CIBAR1: variants seen among roughly 807,000 people sequenced by gnomAD.
CIBAR1 encodes CBY1 interacting BAR domain containing 1, also known as CBY1-interacting BAR domain-containing protein 1.
Under a neutral mutation model 44.0 loss-of-function variants are expected in CIBAR1, and 25 were observed. The observed-to-expected ratio is 0.57, with a 90% CI of 0.41 to 0.79. The LOEUF (loss-of-function observed/expected upper bound fraction) is 0.79, where lower values mean the gene tolerates loss of function less well. Among genes scored for constraint, CIBAR1 ranks in the 30% least tolerant of loss-of-function variants. CIBAR1 has a pLI of 0.00. For synonymous variants in CIBAR1, 115 were observed against 119.0 expected, an observed-to-expected ratio of 0.97 and a Z score of 0.22; for missense variants, 278 against 344.8, an observed-to-expected ratio of 0.81 and a Z score of 1.53.
intron 2 of CIBAR1, chr8:93,702,504 T>C (rs1332763343): frequency 8.8e-6 from 4 of 455,362 alleles, no homozygotes; most frequent in Non-Finnish European, 1.8e-5. Context: ...TTTCCCTTGC[T>C]TACCAAATGG....
At chr8:93,723,519 C>T (rs1811354137) in intron 7 of CIBAR1, among the ~76,000 whole-genome samples, 1 of 151,996 alleles carries the variant, frequency 6.6e-6, no homozygotes. Context: ...TTCCCCCCCT[C>T]ATAGATGTTA....
In CIBAR1 at chr8:93,725,246, G is replaced by A. The variant is rs528036240; in HGVS notation, c.658-1148G>A. Among the ~76,000 whole-genome samples, 238 of 152,304 alleles carry A rather than the reference G, an allele frequency of 1.6e-3. 5 individuals are homozygous for A. The highest frequency in any genetic ancestry group is 0.013 in the South Asian group (65 of 4,828). On this transcript the variant is annotated intron_variant, in intron 7 of 8. Coordinates refer to ENST00000518322, the MANE Select transcript of CIBAR1 (RefSeq NM_145269.5). Reference sequence around the variant, plus strand: ...GATCCTCCTGCCTTGGCCTCCCAAAGTGCTAGGATTATAGGCATGAGCCAC... The same window carrying A: ...GATCCTCCTGCCTTGGCCTCCCAAAATGCTAGGATTATAGGCATGAGCCAC...
intron 6 of CIBAR1, 67 bp downstream of exon 6, chr8:93,709,942 T>A: frequency 8.3e-7 from 1 of 1,203,444 alleles, no homozygotes; most frequent in Non-Finnish European, 1.2e-6. Context: ...ATGAAAAATT[T>A]AAATTACTCT....
At chr8:93,717,677 T>C (rs1811085743) in intron 6 of CIBAR1, among the ~76,000 whole-genome samples, 1 of 152,182 alleles carries the variant, frequency 6.6e-6, no homozygotes, top group South Asian at 2.1e-4. Context: ...CTGGGTTATC[T>C]TAGGAGAGCA....
intron 5 of CIBAR1, among the ~76,000 whole-genome samples, chr8:93,708,983 A>G (rs1479623839): frequency 6.6e-6 from 1 of 152,220 alleles, no homozygotes; most frequent in Non-Finnish European, 1.5e-5. Context: ...AAGCATAAAG[A>G]GTAAGAGATA....
At chr8:93,714,580 G>T (rs1810966660) in intron 6 of CIBAR1, among the ~76,000 whole-genome samples, 1 of 151,978 alleles carries the variant, frequency 6.6e-6, no homozygotes. Flanking sequence ...TTATAATAAA[G>T]AGGGATGTAG....
chr8:93,728,279 A>G lies in CIBAR1; in HGVS notation c.852A>G (p.Glu284=), dbSNP rs759868452. The stretch of plus-strand genomic sequence containing the variant: ...ATGACGAGTTAGATGTTACAGAAGA[A>G]GAAAATTTTCTTAAGTAAACTACAC... ...DEDDELDVTE[E]ENFLK The change falls in exon 9 of 9, where the codon GAA becomes GAG. Residue 284 remains glutamate (E), a synonymous_variant. Transcript: ENST00000518322. 16 of 1,587,374 alleles carry G rather than the reference A, an allele frequency of 1.0e-5. No individual in the cohort carries two copies. The highest frequency in any genetic ancestry group is 1.4e-5 in the Non-Finnish European group (16 of 1,171,490).
chr8:93,723,713 AT>A (rs1811362160), intron 7 of CIBAR1, among the ~76,000 whole-genome samples: 1 of 152,158 alleles, frequency 6.6e-6, no homozygotes, highest in East Asian at 1.9e-4. Context: ...TATGTAATCA[AT>A]TACAAAACAC....
rs551244518 is a variant in CIBAR1, at chr8:93,728,825, C to T, written c.*528C>T. ...ACCAAAGAGTAAAGATAATGTGACA[C>T]TAAGTTATCAATGTTTTATGAATAC... is the stretch of plus-strand genomic sequence containing the variant. On this transcript the variant is annotated 3_prime_UTR_variant, in exon 9 of 9. Coordinates refer to ENST00000518322, the MANE Select transcript of CIBAR1 (RefSeq NM_145269.5). The T allele has an allele frequency of 6.6e-6, 1 of 152,078 alleles. No individual in the cohort carries two copies. Among genetic ancestry groups the T allele is most frequent in the East Asian group, 1.9e-4 (1 of 5,176 alleles). 9.4% of individuals were successfully genotyped at this position (152,078 alleles called of 1,614,324 possible). A position where few individuals can be genotyped will look rare whatever the true frequency, so the allele number is the denominator to read the frequency against.
At position 93,714,501 on chromosome 8, in the gene CIBAR1, C is replaced by T. The variant is rs114348664; in HGVS notation, c.544-4174C>T. Among the ~76,000 whole-genome samples the T allele has an allele frequency of 4.5e-3, 688 of 152,288 alleles. 9 individuals carry two copies. Among genetic ancestry groups the T allele is most frequent in the African/African-American group, 0.015 (638 of 41,548 alleles). ...AGAGTCTGTTAGGGTTCTGAATCTCCATTCTGCACATCATTCCTCATCACT... is the reference window on the plus strand; with the variant it reads ...AGAGTCTGTTAGGGTTCTGAATCTCTATTCTGCACATCATTCCTCATCACT... On this transcript the variant is annotated intron_variant, in intron 6 of 8. Coordinates refer to ENST00000518322, the MANE Select transcript of CIBAR1 (RefSeq NM_145269.5).
chr8:93,710,049 C>A (rs1298690814), intron 6 of CIBAR1, among the ~76,000 whole-genome samples, 174 bp downstream of exon 6: 1 of 152,012 alleles, frequency 6.6e-6, no homozygotes, highest in Non-Finnish European at 1.5e-5. Flanking sequence ...CTTTGGGAGG[C>A]CAAGGCAGGT....
In CIBAR1 at chr8:93,728,123, T is replaced by C. The variant is rs1033929559; in HGVS notation, c.778-82T>C. ...TTTGAAATATTTGTTGTGTGCCCTT[T>C]AATAGCATAAAAATATACCAAGAAT... On this transcript the variant is annotated intron_variant, in intron 8 of 8. Coordinates refer to ENST00000518322, the MANE Select transcript of CIBAR1 (RefSeq NM_145269.5). 5.3e-6 allele frequency: 4 copies of C among 758,856 alleles called. No individual in the cohort carries two copies. The South Asian group carries it at 9.2e-5, about 18-fold the overall frequency. 47.0% of individuals were successfully genotyped at this position (758,856 alleles called of 1,614,324 possible).
At chr8:93,702,945 ATC>A (rs1810422341) in intron 2 of CIBAR1, among the ~76,000 whole-genome samples, 1 of 152,178 alleles carries the variant, frequency 6.6e-6, no homozygotes, top group South Asian at 2.1e-4. Context: ...CTTAAAAAAA[ATC>A]TCTCTTCAGT....
At chr8:93,726,206 TAG>T (rs1461632895) in intron 7 of CIBAR1, 186 bp from the exon 8 acceptor site, 4 of 512,528 alleles carry the variant, frequency 7.8e-6, no homozygotes, top group Non-Finnish European at 1.4e-5. Context: ...ATAGTTCAAA[TAG>T]AATTTTTAGC....
At chr8:93,715,676 C>T (rs561222007) in intron 6 of CIBAR1, 41 of 152,210 alleles carry the variant, frequency 2.7e-4, no homozygotes, top group African/African-American at 9.4e-4. Context: ...ATGGGACCAC[C>T]GTATATATAG....
chr8:93,728,782 C>G lies in CIBAR1; in HGVS notation c.*485C>G, dbSNP rs772505045. Reference sequence around the variant, plus strand: ...CTTTATCATTTGATAAGTAAATTTACTTTTCAAGAAGAGTATAACCAAAGA... The same window carrying G: ...CTTTATCATTTGATAAGTAAATTTAGTTTTCAAGAAGAGTATAACCAAAGA... On this transcript the variant is annotated 3_prime_UTR_variant, in exon 9 of 9. Coordinates refer to ENST00000518322, the MANE Select transcript of CIBAR1 (RefSeq NM_145269.5). 6.6e-6 allele frequency: 1 copy of G among 151,880 alleles called. No individual in the cohort carries two copies. The highest frequency in any genetic ancestry group is 2.4e-5 in the African/African-American group (1 of 41,356). 9.4% of individuals were successfully genotyped at this position (151,880 alleles called of 1,614,324 possible).
intron 8 of CIBAR1, among the ~76,000 whole-genome samples, chr8:93,727,568 TGAC>T (rs1256525897): frequency 4.6e-5 from 7 of 152,296 alleles, no homozygotes; most frequent in East Asian, 3.9e-4. Flanking sequence ...CTGTATATTG[TGAC>T]GACATCAAGC....
Position 93,714,068 on chromosome 8 carries a change from C to T in CIBAR1, c.543+4193C>T, listed in dbSNP as rs1455077392. On this transcript the variant is annotated intron_variant, in intron 6 of 8. Coordinates refer to ENST00000518322, the MANE Select transcript of CIBAR1 (RefSeq NM_145269.5). ...AGATCAATTTGAGGAGTATTGACAT[C>T]TTAAGAGTAATTCTTCCAGTCCATG... Among the ~76,000 whole-genome samples, 3 of 152,160 alleles carry T rather than the reference C, an allele frequency of 2.0e-5. No individual in the cohort carries two copies. The East Asian group carries it at 5.8e-4, about 29-fold the overall frequency.
intron 3 of CIBAR1, among the ~76,000 whole-genome samples, 178 bp from the exon 4 acceptor site, chr8:93,704,731 T>C (rs1460866821): frequency 6.6e-6 from 1 of 152,196 alleles, no homozygotes; most frequent in Non-Finnish European, 1.5e-5. Context: ...ATTAAACACA[T>C]TCTCACATAC....
Sources: gnomAD v4.1 joint callset for allele counts (sites outside exome capture counted in the v4.1 genomes callset) on GRCh38, gnomAD v4.1.1 for gene constraint, MANE v1.5 for transcripts, NCBI Gene and HGNC (gene_info 2026-07-23, HGNC 2026-07-21) for gene names.